The following FKBP5 variants were observed in gnomAD, a reference collection of about 807,000 sequenced individuals.
The protein encoded by FKBP5 is FKBP prolyl isomerase 5, also known as peptidyl-prolyl cis-trans isomerase FKBP5.
In FKBP5, 23 loss-of-function variants were observed where a neutral mutation model predicts 50.5. The observed-to-expected ratio is 0.46, with a 90% CI of 0.33 to 0.65. The LOEUF (loss-of-function observed/expected upper bound fraction) is 0.65. FKBP5 is among the 30% of genes least tolerant of loss of function. FKBP5 has a pLI of 0.02. For missense variants in FKBP5, 411 were observed against 553.1 expected (o/e 0.74, Z 2.58); for synonymous variants, 176 against 190.6 (o/e 0.92, Z 0.63).
chr6:35,618,881 A>G (rs1763738049), intron 5 of FKBP5, among the ~76,000 whole-genome samples: 1 of 151,842 alleles, frequency 6.6e-6, no homozygotes, highest in Non-Finnish European at 1.5e-5. Context: ...TTTTTAGTAG[A>G]GATGGGGTTT....
chr6:35,628,601 T>C (rs775856597), intron 3 of FKBP5, among the ~76,000 whole-genome samples: 7 of 152,260 alleles, frequency 4.6e-5, no homozygotes, highest in Non-Finnish European at 8.8e-5. Flanking sequence ...TGCTAATTTT[T>C]ATGTTAAAAA....
upstream of FKBP5, among the ~76,000 whole-genome samples, chr6:35,690,937 C>T (rs1366249338): frequency 6.6e-6 from 1 of 151,634 alleles, no homozygotes; most frequent in Admixed American, 6.6e-5. Flanking sequence ...ACCCGGGAGG[C>T]GGAGGTTGCA....
chr6:35,669,440 TA>T (rs910397546), intron 1 of FKBP5, among the ~76,000 whole-genome samples: 2 of 152,360 alleles, frequency 1.3e-5, no homozygotes, highest in Middle Eastern at 3.4e-3. Flanking sequence ...TATTCATCTC[TA>T]ATTAAATACA....
At chr6:35,628,875 A>G (rs751343918) in intron 3 of FKBP5, among the ~76,000 whole-genome samples, 5 of 152,040 alleles carry the variant, frequency 3.3e-5, no homozygotes, top group Non-Finnish European at 7.4e-5. Context: ...GTGCCACCAC[A>G]CCAGCTAATT....
rs537273743 is a variant in FKBP5, at chr6:35,655,117, T to C, written c.-19-12274A>G. Among the ~76,000 whole-genome samples, 202 of 151,308 alleles carry C rather than the reference T, an allele frequency of 1.3e-3. 1 individual carries two copies. The highest frequency in any genetic ancestry group is 2.1e-3 in the Non-Finnish European group (143 of 67,772). On this transcript the variant is annotated intron_variant, in intron 1 of 10. Coordinates refer to ENST00000357266, the MANE Select transcript of FKBP5 (RefSeq NM_004117.4). The stretch of plus-strand genomic sequence containing the variant: ...TGGGCAGATCAGTTGAGGCCAGGAG[T>C]TCAAGACCAGCCTGGCCAACATAGT...
intron 5 of FKBP5, among the ~76,000 whole-genome samples, chr6:35,606,855 C>T (rs1407412133): frequency 6.6e-6 from 1 of 152,102 alleles, no homozygotes; most frequent in Non-Finnish European, 1.5e-5. Context: ...AATCCCATTA[C>T]TGGGTATACA....
At chr6:35,628,240 G>A (rs1764057795) in intron 3 of FKBP5, among the ~76,000 whole-genome samples, 1 of 152,114 alleles carries the variant, frequency 6.6e-6, no homozygotes, top group Admixed American at 6.5e-5. Flanking sequence ...TGAAAAGACT[G>A]TTCTTTCTCC....
rs1245412168 is a variant in FKBP5, at chr6:35,575,829, G to A, written c.*6C>T. On this transcript the variant is annotated 3_prime_UTR_variant, in exon 11 of 11. Coordinates refer to ENST00000357266, the MANE Select transcript of FKBP5 (RefSeq NM_004117.4). Reference sequence around the variant, plus strand: ...TCACTGGGACTCTTCCCTCCTTGGCGTGGCGTCATACGTGGCCCTCAGGTT... The same window carrying A: ...TCACTGGGACTCTTCCCTCCTTGGCATGGCGTCATACGTGGCCCTCAGGTT... 3.1e-6 allele frequency: 5 copies of A among 1,595,438 alleles called. No homozygotes were observed. Among genetic ancestry groups the A allele is most frequent in the African/African-American group, 1.3e-5 (1 of 74,686 alleles).
chr6:35,621,266 C>CT (rs1321252379), intron 3 of FKBP5, among the ~76,000 whole-genome samples: 2 of 152,184 alleles, frequency 1.3e-5, no homozygotes, highest in Non-Finnish European at 2.9e-5. Flanking sequence ...GCATCATTAT[C>CT]TTACTGTAAG....
chr6:35,639,250 T>C (rs2150987757), intron 2 of FKBP5, among the ~76,000 whole-genome samples: 1 of 152,318 alleles, frequency 6.6e-6, no homozygotes, highest in East Asian at 1.9e-4. Context: ...GGCATTATTA[T>C]TCTAATTTTA....
intron 2 of FKBP5, among the ~76,000 whole-genome samples, chr6:35,696,182 T>G (rs1222153455): frequency 4.2e-5 from 6 of 142,262 alleles, no homozygotes; most frequent in African/African-American, 1.3e-4. Context: ...TTTAGTGGAA[T>G]GTATGCAGAG....
chr6:35,637,303 C>T (rs1764340974), intron 2 of FKBP5, 145 bp from the exon 3 acceptor site: 1 of 695,788 alleles, frequency 1.4e-6, no homozygotes, highest in Non-Finnish European at 2.4e-6. Context: ...TCCCTTCATT[C>T]CTCACAATAA....
At chr6:35,631,890 G>A (rs1435888535) in intron 3 of FKBP5, among the ~76,000 whole-genome samples, 1 of 150,114 alleles carries the variant, frequency 6.7e-6, no homozygotes, top group South Asian at 2.1e-4. Context: ...GGGAGGCGGA[G>A]GTTGCAATGA....
chr6:35,595,173 G>C (rs954010306), intron 6 of FKBP5, among the ~76,000 whole-genome samples: 9 of 152,174 alleles, frequency 5.9e-5, no homozygotes, highest in African/African-American at 1.9e-4. Context: ...AACCACTAAT[G>C]ATACAACAAA....
At chr6:35,581,235 TGTCA>T (rs1404612692) in intron 8 of FKBP5, 1 of 868,360 alleles carries the variant, frequency 1.2e-6, no homozygotes, top group African/African-American at 1.8e-5. Context: ...CAGAAAGGTC[TGTCA>T]GTTATATATA....
At chr6:35,675,092 T>C (rs1487718662) in intron 1 of FKBP5, among the ~76,000 whole-genome samples, 1 of 152,260 alleles carries the variant, frequency 6.6e-6, no homozygotes, top group Non-Finnish European at 1.5e-5. Context: ...GTGCTTTACA[T>C]GTATTGTCTC....
intron 8 of FKBP5, chr6:35,584,705 G>A (rs1762547747): frequency 1.0e-6 from 1 of 985,336 alleles, no homozygotes; most frequent in African/African-American, 1.7e-5. Flanking sequence ...GACATTCTGG[G>A]AGAAAAGTCT....
intron 8 of FKBP5, chr6:35,586,504 C>A: frequency 1.0e-6 from 1 of 988,928 alleles, no homozygotes; most frequent in East Asian, 1.1e-4. Flanking sequence ...CAGTGGCTCA[C>A]GCCTGTAATC....
chr6:35,602,072 T>A (rs1241214727), intron 5 of FKBP5, among the ~76,000 whole-genome samples: 1 of 152,096 alleles, frequency 6.6e-6, no homozygotes, highest in Non-Finnish European at 1.5e-5. Flanking sequence ...AATTTTGTTT[T>A]GAAGAGCACA....
Sources: gnomAD v4.1 joint callset for allele counts (sites outside exome capture counted in the v4.1 genomes callset) on GRCh38, gnomAD v4.1.1 for gene constraint, MANE v1.5 for transcripts, NCBI Gene and HGNC (gene_info 2026-07-23, HGNC 2026-07-21) for gene names.